Variants in FARP1 observed in about 807,000 individuals in gnomAD.
FARP1 encodes FERM, ARH/RhoGEF and pleckstrin domain protein 1.
A neutral mutation model predicts 128.8 loss-of-function variants in FARP1; 52 were observed. The ratio of observed to expected loss-of-function variants is 0.40; its 90% CI spans 0.32 to 0.51. The LOEUF (loss-of-function observed/expected upper bound fraction) is 0.51, where lower values mean the gene tolerates loss of function less well. FARP1 is among the 20% of genes least tolerant of loss of function. The probability of loss-of-function intolerance (pLI) is 0.45; values close to 1 mark genes in which losing one functional copy is unlikely to be tolerated. For synonymous variants in FARP1, 580 were observed against 551.8 expected, an observed-to-expected ratio of 1.05 and a Z score of -0.72; for missense variants, 1,333 against 1,367.9, an observed-to-expected ratio of 0.97 and a Z score of 0.40.
chr13:98,309,101 A>G, intron 2 of FARP1, among the ~76,000 whole-genome samples: 1 of 144,544 alleles, frequency 6.9e-6, no homozygotes, highest in East Asian at 2.0e-4. Context: ...AAGTGATAAT[A>G]TTTTGGACCT....
chr13:98,306,763 A>G lies in FARP1; in HGVS notation c.172-36999A>G, dbSNP rs182087559. 5.9e-5 allele frequency among the ~76,000 whole-genome samples: 9 copies of G among 152,128 alleles called. No individual in the cohort carries two copies. In the East Asian group the frequency reaches 1.7e-3, roughly 29 times the overall value. ...AGCCTCGAACTCCTGGCCTCAAGCA[A>G]TCCTCCTATGTTGGCCTCCCAAAGT... On this transcript the variant is annotated intron_variant, in intron 2 of 26. Transcript: ENST00000319562.
At chr13:98,368,859 G>A (rs1270138376) in intron 5 of FARP1, among the ~76,000 whole-genome samples, 1 of 151,312 alleles carries the variant, frequency 6.6e-6, no homozygotes, top group African/African-American at 2.4e-5. Context: ...TTTCATTGTC[G>A]TCACCATCAT....
At chr13:98,148,270 C>T (rs949917841) in intron 1 of FARP1, among the ~76,000 whole-genome samples, 4 of 152,064 alleles carry the variant, frequency 2.6e-5, no homozygotes, top group East Asian at 1.9e-4. Flanking sequence ...CCCAGCTACT[C>T]GGGAGGCTGA....
chr13:98,142,864 C>A (rs1187103947), upstream of FARP1: 1 of 151,930 alleles, frequency 6.6e-6, no homozygotes, highest in East Asian at 1.9e-4. Context: ...GGAGCCCGGC[C>A]CTGGCCGGAA....
At chr13:98,382,825 C>T (rs958325536) in intron 6 of FARP1, among the ~76,000 whole-genome samples, 1 of 151,888 alleles carries the variant, frequency 6.6e-6, no homozygotes, top group African/African-American at 2.4e-5. Context: ...TTGGTGATTT[C>T]ACTGTTTAAA....
chr13:98,401,005 T>C (rs550571754), intron 13 of FARP1: 74 of 152,228 alleles, frequency 4.9e-4, no homozygotes, highest in African/African-American at 1.7e-3. Flanking sequence ...ATTCAAAAAA[T>C]TACAACCTCA....
At chr13:98,236,201 A>G (rs1882409669) in intron 2 of FARP1, among the ~76,000 whole-genome samples, 2 of 152,134 alleles carry the variant, frequency 1.3e-5, no homozygotes, top group Non-Finnish European at 1.5e-5. Flanking sequence ...AACCCTCATC[A>G]CATGGCATTT....
At chr13:98,202,504 G>T (rs1880012926) in intron 1 of FARP1, among the ~76,000 whole-genome samples, 1 of 152,086 alleles carries the variant, frequency 6.6e-6, no homozygotes, top group Non-Finnish European at 1.5e-5. Context: ...TCAGTTGCTT[G>T]TATTTAAAAC....
intron 2 of FARP1, among the ~76,000 whole-genome samples, chr13:98,307,286 A>AT (rs1250046517): frequency 6.6e-6 from 1 of 152,188 alleles, no homozygotes; most frequent in Non-Finnish European, 1.5e-5. Context: ...TAGGTTGAGA[A>AT]TTTTTTGAAA....
At chr13:98,281,836 C>G (rs1045353941) in intron 2 of FARP1, among the ~76,000 whole-genome samples, 4 of 152,138 alleles carry the variant, frequency 2.6e-5, no homozygotes, top group Non-Finnish European at 5.9e-5. Flanking sequence ...TTTCTGTTAA[C>G]TGAAATTTGG....
At chr13:98,299,146 C>T (rs1230983907) in intron 2 of FARP1, among the ~76,000 whole-genome samples, 1 of 152,184 alleles carries the variant, frequency 6.6e-6, no homozygotes, top group African/African-American at 2.4e-5. Context: ...TAAAGCAATA[C>T]ATGTTCCTAT....
At chr13:98,144,865 AG>A (rs1488580115) in intron 1 of FARP1, among the ~76,000 whole-genome samples, 5 of 152,194 alleles carry the variant, frequency 3.3e-5, no homozygotes, top group African/African-American at 1.2e-4. Context: ...GTGTTCTCGT[AG>A]GGGGTTTATT....
chr13:98,349,672 G>GGGA (rs1188429889), intron 3 of FARP1, among the ~76,000 whole-genome samples: 1 of 59,872 alleles, frequency 1.7e-5, no homozygotes, highest in African/African-American at 6.7e-5. Context: ...CCATCTCAGG[G>GGGA]AAAAAAAAAA....
intron 2 of FARP1, among the ~76,000 whole-genome samples, chr13:98,290,069 T>TTTC (rs1168528959): frequency 2.6e-5 from 4 of 151,772 alleles, no homozygotes; most frequent in Admixed American, 6.6e-5. Context: ...TTTTTTTTTT[T>TTTC]TGGTGTTGGG....
chr13:98,440,733 C>T lies in FARP1; in HGVS notation c.2693C>T (p.Thr898Ile), dbSNP rs1295141792. 10 of 1,613,418 alleles carry T rather than the reference C, an allele frequency of 6.2e-6. No homozygotes were observed. In the African/African-American group the frequency reaches 1.2e-4, roughly 19 times the overall value. ...ESEDDLSASR[T>I]SLERQAPHRG... is the part of the protein sequence containing the mutation. Reference sequence around the variant, plus strand: ...GAGGATGACCTGAGCGCCTCGCGCACATCGCTGGAGCGCCAGGCCCCGCAC... The same window carrying T: ...GAGGATGACCTGAGCGCCTCGCGCATATCGCTGGAGCGCCAGGCCCCGCAC... Residue 898 changes from threonine (T) to isoleucine (I), a missense_variant, in exon 24 of 27, where the codon ACA becomes ATA. By Grantham distance (89) the Thr-to-Ile change is moderately conservative. This residue lies in a region of FARP1 where 1,009 missense variants were observed against 969.8 expected (regional missense o/e 1.04). Transcript: ENST00000319562.
intron 1 of FARP1, among the ~76,000 whole-genome samples, chr13:98,185,334 A>T (rs544501298): frequency 2.0e-5 from 3 of 152,322 alleles, no homozygotes; most frequent in African/African-American, 7.2e-5. Context: ...GAAAGGGCTT[A>T]ACAGGGCAAG....
At chr13:98,280,718 TC>T (rs1337533364) in intron 2 of FARP1, among the ~76,000 whole-genome samples, 4 of 152,246 alleles carry the variant, frequency 2.6e-5, no homozygotes, top group African/African-American at 7.2e-5. Context: ...TGCCTGGACT[TC>T]ATCCCTCAAC....
At chr13:98,197,081 C>T (rs997001180) in intron 1 of FARP1, among the ~76,000 whole-genome samples, 15 of 152,158 alleles carry the variant, frequency 9.9e-5, no homozygotes, top group African/African-American at 3.4e-4. Context: ...AATTGCTTTT[C>T]TTTTCCCAAC....
intron 2 of FARP1, among the ~76,000 whole-genome samples, chr13:98,227,475 A>G (rs1409714355): frequency 6.6e-6 from 1 of 152,084 alleles, no homozygotes; most frequent in African/African-American, 2.4e-5. Flanking sequence ...ACAGAAAAAA[A>G]CGAGTACTGA....
Sources: allele counts gnomAD v4.1 joint callset (sites outside exome capture counted in the v4.1 genomes callset), GRCh38; gene constraint gnomAD v4.1.1; regional missense constraint gnomAD v4.1.1; transcripts MANE v1.5; gene names NCBI Gene and HGNC (gene_info 2026-07-23, HGNC 2026-07-21).